The following FYB1 variants were observed in gnomAD, a reference collection of about 807,000 sequenced individuals.
FYB1 encodes the protein FYN binding protein 1.
FYB1 carries 41 observed loss-of-function variants against 94.1 expected under a neutral mutation model. The ratio of observed to expected loss-of-function variants is 0.44; its 90% CI spans 0.34 to 0.57. FYB1 has a LOEUF of 0.57. FYB1 is among the 20% of genes least tolerant of loss of function. The pLI, the probability that FYB1 is intolerant of heterozygous loss-of-function variation, is 0.02. For missense variants in FYB1, 1,050 were observed against 976.8 expected, an observed-to-expected ratio of 1.07 and a Z score of -1.00; for synonymous variants, 367 against 353.2, an observed-to-expected ratio of 1.04 and a Z score of -0.44.
intron 16 of FYB1, among the ~76,000 whole-genome samples, chr5:39,118,367 T>C (rs1190625674): frequency 2.0e-5 from 3 of 152,180 alleles, no homozygotes; most frequent in Non-Finnish European, 4.4e-5. Context: ...TATCCAGAAT[T>C]CTACACAATT....
At chr5:39,220,887 G>A (rs1019879629), upstream of FYB1, among the ~76,000 whole-genome samples, 2 of 152,188 alleles carry the variant, frequency 1.3e-5, no homozygotes, top group African/African-American at 4.8e-5. Flanking sequence ...TAAGAAAAGG[G>A]AGAAGAAGCA....
chr5:39,160,200 T>C (rs1403189760), intron 2 of FYB1, among the ~76,000 whole-genome samples: 1 of 152,216 alleles, frequency 6.6e-6, no homozygotes, highest in East Asian at 1.9e-4. Context: ...CATTTTCTCA[T>C]CTGCGAAATG....
intron 2 of FYB1, among the ~76,000 whole-genome samples, chr5:39,181,295 A>C (rs1422838961): frequency 6.6e-6 from 1 of 152,226 alleles, no homozygotes; most frequent in Non-Finnish European, 1.5e-5. Flanking sequence ...CGTATATAGT[A>C]TACTTATATA....
chr5:39,119,082 A>T, intron 15 of FYB1, 46 bp from the exon 16 acceptor site: 1 of 918,030 alleles, frequency 1.1e-6, no homozygotes, highest in Non-Finnish European at 1.5e-6. Flanking sequence ...TATGTGCATT[A>T]TTGAAACAAC....
chr5:39,172,746 A>G (rs1166602652), intron 2 of FYB1, among the ~76,000 whole-genome samples: 1 of 152,210 alleles, frequency 6.6e-6, no homozygotes, highest in Non-Finnish European at 1.5e-5. Flanking sequence ...AGTGACCTTC[A>G]GTTCCATCCA....
chr5:39,171,075 G>C (rs1050322483), intron 2 of FYB1, among the ~76,000 whole-genome samples: 2 of 151,950 alleles, frequency 1.3e-5, no homozygotes, highest in Non-Finnish European at 2.9e-5. Context: ...GTGACATGAG[G>C]TCAGGCATTT....
At chr5:39,241,359 G>A (rs545640132) in intron 1 of FYB1, among the ~76,000 whole-genome samples, 90 of 152,218 alleles carry the variant, frequency 5.9e-4, no homozygotes, top group Non-Finnish European at 8.8e-4. Flanking sequence ...ACTACAACAG[G>A]GTGTCCAGGA....
intron 2 of FYB1, among the ~76,000 whole-genome samples, chr5:39,159,010 G>C (rs1308826071): frequency 6.6e-6 from 1 of 152,116 alleles, no homozygotes; most frequent in Admixed American, 6.5e-5. Flanking sequence ...TGTCAAATGG[G>C]AGTAATCGAG....
intron 2 of FYB1, among the ~76,000 whole-genome samples, chr5:39,164,517 CA>C (rs1193636793): frequency 6.6e-6 from 1 of 152,092 alleles, no homozygotes; most frequent in Non-Finnish European, 1.5e-5. Context: ...ATCCACTTCC[CA>C]GGTTCAAGCG....
At chr5:39,247,591 A>G (rs1384670659) in intron 1 of FYB1, among the ~76,000 whole-genome samples, 1 of 152,160 alleles carries the variant, frequency 6.6e-6, no homozygotes, top group East Asian at 1.9e-4. Context: ...AAATAAAGGA[A>G]TACAAGTGCA....
chr5:39,244,725 C>T (rs947802110), intron 1 of FYB1, among the ~76,000 whole-genome samples: 4 of 152,168 alleles, frequency 2.6e-5, no homozygotes, highest in African/African-American at 9.7e-5. Flanking sequence ...GTACCAGCTC[C>T]TCCTTGTACC....
upstream of FYB1, among the ~76,000 whole-genome samples, chr5:39,222,781 T>A (rs1462083519): frequency 6.6e-6 from 1 of 152,220 alleles, no homozygotes; most frequent in Non-Finnish European, 1.5e-5. Context: ...TAAACACCCA[T>A]TTTTCTATTT....
chr5:39,202,963 G>A lies in FYB1; in HGVS notation c.-3C>T. On this transcript the variant is annotated 5_prime_UTR_variant, in exon 2 of 19. Coordinates refer to ENST00000512982, the MANE Select transcript of FYB1 (RefSeq NM_001465.6). The stretch of plus-strand genomic sequence containing the variant: ...CCCCCCGTGTTATATTTCGCCATGA[G>A]GGACTTTACATCTGCCTTTCCATCC... 2 of 1,613,656 alleles carry A rather than the reference G, an allele frequency of 1.2e-6. No homozygotes were observed. The highest frequency in any genetic ancestry group is 1.7e-4 in the Middle Eastern group (1 of 5,842).
intron 2 of FYB1, among the ~76,000 whole-genome samples, chr5:39,192,419 A>T (rs1747446705): frequency 6.6e-6 from 1 of 152,178 alleles, no homozygotes; most frequent in African/African-American, 2.4e-5. Flanking sequence ...TTCAAATTTT[A>T]TTTATTTCAG....
rs1435503726 is a variant in FYB1 at position 39,124,280 on chromosome 5, T to C, written c.2046-2A>G. The C allele has an allele frequency of 6.4e-7, 1 of 1,551,418 alleles. No homozygotes were observed. ...AATTGTTTAGGAGGAGCAGGGAAAC[T>C]ACAAAGAAAGTGAGAACACAATTAT... On this transcript the variant is annotated splice_acceptor_variant, in intron 12 of 18. Transcript: ENST00000512982. LOFTEE classifies it high-confidence loss of function.
intron 2 of FYB1, among the ~76,000 whole-genome samples, chr5:39,165,329 A>C (rs555807468): frequency 2.0e-5 from 3 of 152,328 alleles, no homozygotes; most frequent in Admixed American, 2.0e-4. Flanking sequence ...GCCCAGAAAG[A>C]AAGCCACATA....
At chr5:39,215,425 T>A (rs1195119189) in intron 1 of FYB1, among the ~76,000 whole-genome samples, 1 of 152,172 alleles carries the variant, frequency 6.6e-6, no homozygotes, top group East Asian at 1.9e-4. Context: ...GGGGAAATGA[T>A]GAGAAGCACA....
chr5:39,192,696 T>C (rs1357410638), intron 2 of FYB1, among the ~76,000 whole-genome samples: 1 of 152,250 alleles, frequency 6.6e-6, no homozygotes, highest in Non-Finnish European at 1.5e-5. Flanking sequence ...AGGATAACTA[T>C]ATTAAGGGAA....
In FYB1 at chr5:39,261,337, G is replaced by GACACACACACACAC. The variant is rs57277521; in HGVS notation, c.-28+13052_-28+13065dup. Among the ~76,000 whole-genome samples, 167 of 133,866 alleles carry GACACACACACACAC rather than the reference G, an allele frequency of 1.2e-3. 2 individuals are homozygous for GACACACACACACAC. Among genetic ancestry groups the GACACACACACACAC allele is most frequent in the Admixed American group, 3.0e-3 (39 of 12,882 alleles). The allele number at this position is 133,866 out of a possible 152,430, so 87.8% of individuals were successfully genotyped here. On this transcript the variant is annotated intron_variant, in intron 1 of 1. Coordinates refer to the FYB1 transcript ENST00000510188. Reference sequence around the variant, plus strand: ...AAAAAAAAGAACGTGTGTAGATTAAGACACACACACACACACACACACACA... The same window carrying GACACACACACACAC: ...AAAAAAAAGAACGTGTGTAGATTAAGACACACACACACACACACACACACACACACACACACACA...
Sources: gnomAD v4.1 joint callset for allele counts (sites outside exome capture counted in the v4.1 genomes callset) on GRCh38, gnomAD v4.1.1 for gene constraint, MANE v1.5 for transcripts, NCBI Gene and HGNC (gene_info 2026-07-23, HGNC 2026-07-21) for gene names.